FSTL5: variants seen among roughly 807,000 people sequenced by gnomAD.
FSTL5 encodes the protein follistatin like 5.
FSTL5 carries 62 observed loss-of-function variants against 89.1 expected under a neutral mutation model. That is an observed-to-expected ratio of 0.70 (90% CI 0.57 to 0.86). The LOEUF (loss-of-function observed/expected upper bound fraction) is 0.86. Among genes scored for constraint, FSTL5 ranks in the 40% least tolerant of loss-of-function variants. FSTL5 has a pLI of 0.00. For synonymous variants in FSTL5, 383 were observed against 346.2 expected (o/e 1.11, Z -1.18); for missense variants, 1,057 against 1,001.6 (o/e 1.06, Z -0.75).
chr4:161,741,974 A>G (rs1433886994), intron 6 of FSTL5, among the ~76,000 whole-genome samples: 2 of 152,158 alleles, frequency 1.3e-5, no homozygotes, highest in Non-Finnish European at 2.9e-5. Context: ...ATAAGAAGGA[A>G]GAATGTGTCT....
chr4:161,623,868 A>G (rs1435312354), intron 7 of FSTL5, among the ~76,000 whole-genome samples: 4 of 152,006 alleles, frequency 2.6e-5, no homozygotes, highest in African/African-American at 9.6e-5. Context: ...AACATACTTG[A>G]AATATTTGAC....
chr4:161,634,944 A>G (rs534134330), intron 7 of FSTL5, among the ~76,000 whole-genome samples: 25 of 152,294 alleles, frequency 1.6e-4, no homozygotes, highest in East Asian at 7.7e-4. Flanking sequence ...GATTGTGGTA[A>G]TCCTTTCGCA....
At chr4:161,804,097 C>A (rs547336267) in intron 4 of FSTL5, among the ~76,000 whole-genome samples, 1 of 152,090 alleles carries the variant, frequency 6.6e-6, no homozygotes, top group East Asian at 1.9e-4. Flanking sequence ...GAAACAGCAT[C>A]TGCACATCAA....
chr4:161,410,182 C>G (rs894660472), intron 15 of FSTL5, among the ~76,000 whole-genome samples: 2 of 152,184 alleles, frequency 1.3e-5, no homozygotes, highest in African/African-American at 4.8e-5. Flanking sequence ...GAAGCCTTAA[C>G]TATTCTAAAA....
At chr4:161,658,652 C>T (rs1445753682) in intron 6 of FSTL5, among the ~76,000 whole-genome samples, 3 of 152,048 alleles carry the variant, frequency 2.0e-5, no homozygotes, top group African/African-American at 7.2e-5. Context: ...AAAAATTATT[C>T]AATTAATTCG....
chr4:161,496,318 A>G (rs1332316835), intron 12 of FSTL5, among the ~76,000 whole-genome samples: 1 of 152,154 alleles, frequency 6.6e-6, no homozygotes, highest in Non-Finnish European at 1.5e-5. Context: ...ATATGTCAGC[A>G]TGGCTAGCCT....
At position 162,008,333 on chromosome 4, in the gene FSTL5, TAGA is replaced by T. The variant is rs568753148; in HGVS notation, c.160+25289_160+25291del. ...GTAAGCCAAAGAACCATAGGCATAG[TAGA>T]AGATGTTAGGAGCCAATGTTAAGAT... is the stretch of plus-strand genomic sequence containing the variant. On this transcript the variant is annotated intron_variant, in intron 3 of 15. Coordinates refer to ENST00000306100, the MANE Select transcript of FSTL5 (RefSeq NM_020116.5). 4.0e-4 allele frequency among the ~76,000 whole-genome samples: 61 copies of T among 151,984 alleles called. 1 individual carries two copies. In the South Asian group the frequency reaches 0.011, roughly 28 times the overall value.
chr4:161,848,500 C>A, intron 4 of FSTL5, among the ~76,000 whole-genome samples: 1 of 152,000 alleles, frequency 6.6e-6, no homozygotes, highest in Non-Finnish European at 1.5e-5. Context: ...TTAAAGAATT[C>A]TTAATATTTA....
At chr4:161,783,698 T>C (rs193201824) in intron 4 of FSTL5, among the ~76,000 whole-genome samples, 1,649 of 24,306 alleles carry the variant, frequency 0.068, 4 homozygotes, top group Non-Finnish European at 0.08. Context: ...TTTCTTTCTT[T>C]CTTTCTTTCT....
At chr4:161,394,438 G>A (rs901476469) in intron 15 of FSTL5, among the ~76,000 whole-genome samples, 8 of 151,974 alleles carry the variant, frequency 5.3e-5, no homozygotes, top group African/African-American at 1.9e-4. Context: ...ACCGTGCCCG[G>A]CAAATTTTTT....
At chr4:161,938,063 C>G (rs1734481128) in intron 3 of FSTL5, among the ~76,000 whole-genome samples, 1 of 152,094 alleles carries the variant, frequency 6.6e-6, no homozygotes, top group Admixed American at 6.6e-5. Flanking sequence ...TTCCTTACAT[C>G]ACTTTAATAT....
chr4:161,460,035 C>A (rs752506753), intron 13 of FSTL5, among the ~76,000 whole-genome samples: 3 of 151,616 alleles, frequency 2.0e-5, no homozygotes, highest in Non-Finnish European at 4.4e-5. Context: ...ATTTCACTCA[C>A]CTTAATTTTA....
At chr4:161,811,525 GA>G (rs1335361199) in intron 4 of FSTL5, among the ~76,000 whole-genome samples, 2 of 151,986 alleles carry the variant, frequency 1.3e-5, no homozygotes, top group Non-Finnish European at 2.9e-5. Context: ...ATCTTAAAAT[GA>G]CTCTATTGAG....
At chr4:161,698,126 A>G (rs1002423252) in intron 6 of FSTL5, among the ~76,000 whole-genome samples, 1 of 152,148 alleles carries the variant, frequency 6.6e-6, no homozygotes, top group Non-Finnish European at 1.5e-5. Flanking sequence ...GACACCCTGG[A>G]GAGCTCCCTC....
At chr4:161,406,852 G>A (rs957986502) in intron 15 of FSTL5, among the ~76,000 whole-genome samples, 1 of 152,054 alleles carries the variant, frequency 6.6e-6, no homozygotes, top group African/African-American at 2.4e-5. Flanking sequence ...ATAGAATAGG[G>A]TGGATAGAGT....
intron 1 of FSTL5, among the ~76,000 whole-genome samples, chr4:162,131,894 T>C (rs1262340941): frequency 6.6e-6 from 1 of 152,214 alleles, no homozygotes; most frequent in Non-Finnish European, 1.5e-5. Context: ...GAGTGTTCGA[T>C]AAAAGTTCCT....
At chr4:161,521,028 C>T (rs1471794845) in intron 10 of FSTL5, among the ~76,000 whole-genome samples, 1 of 152,128 alleles carries the variant, frequency 6.6e-6, no homozygotes, top group East Asian at 1.9e-4. Flanking sequence ...GAATGTAGCA[C>T]TTACTCAAAA....
chr4:161,998,200 T>C (rs1736357445), intron 3 of FSTL5, among the ~76,000 whole-genome samples: 2 of 151,818 alleles, frequency 1.3e-5, no homozygotes, highest in African/African-American at 4.8e-5. Flanking sequence ...CTTTAAAGAG[T>C]TTTTTCACCT....
intron 1 of FSTL5, among the ~76,000 whole-genome samples, chr4:162,144,776 T>C (rs1732904275): frequency 6.6e-6 from 1 of 152,096 alleles, no homozygotes; most frequent in Admixed American, 6.6e-5. Context: ...TGTGGTTCAT[T>C]AAATTTTTTT....
Sources: gnomAD v4.1 joint callset for allele counts (sites outside exome capture counted in the v4.1 genomes callset) on GRCh38, gnomAD v4.1.1 for gene constraint, MANE v1.5 for transcripts, NCBI Gene and HGNC (gene_info 2026-07-23, HGNC 2026-07-21) for gene names.